ZNF316: variants seen among roughly 807,000 people sequenced by gnomAD.
ZNF316 encodes zinc finger protein 316.
Under a neutral mutation model 75.6 loss-of-function variants are expected in ZNF316, and 23 were observed. The observed-to-expected ratio is 0.30, with a 90% CI of 0.22 to 0.43. ZNF316 has a LOEUF of 0.43. ZNF316 is among the 20% of genes least tolerant of loss of function. The pLI is 1.00. For synonymous variants in ZNF316, 827 were observed against 666.2 expected, an observed-to-expected ratio of 1.24 and a Z score of -3.72; for missense variants, 1,266 against 1,409.4, an observed-to-expected ratio of 0.90 and a Z score of 1.63.
Position 6,642,649 on chromosome 7 carries a change from CGTG to C in ZNF316, c.242_244del (p.Val81del). The C allele has an allele frequency of 8.1e-7, 1 of 1,234,894 alleles. No individual in the cohort carries two copies. Among genetic ancestry groups the C allele is most frequent in the Non-Finnish European group, 1.0e-6 (1 of 990,080 alleles). 76.5% of individuals were successfully genotyped at this position (1,234,894 alleles called of 1,614,324 possible). On this transcript the variant is annotated inframe_deletion, in exon 5 of 9. Coordinates refer to ENST00000382252, the MANE Select transcript of ZNF316 (RefSeq NM_001278559.2). The surrounding 1 kb of genome is among the most constrained non-coding windows in gnomAD (Gnocchi z 8.1). ...TGGCCGAGGTGGAGGTGGAGGCGGA[CGTG>C]GAGGAGGAGGATGTGAAGGAGGTGC...
rs1400918630 is a variant in ZNF316 at position 6,656,766 on chromosome 7, A to C, written c.*2155A>C. Among the ~76,000 whole-genome samples the C allele has an allele frequency of 6.6e-6, 1 of 152,046 alleles. No homozygotes were observed. The highest frequency in any genetic ancestry group is 1.5e-5 in the Non-Finnish European group (1 of 68,000). On this transcript the variant is annotated 3_prime_UTR_variant, in exon 9 of 9. Coordinates refer to ENST00000382252, the MANE Select transcript of ZNF316 (RefSeq NM_001278559.2). Reference sequence around the variant, plus strand: ...AGGTACCCTTCGTGGTGGTCCAAACACATCCCCAGCCCTTTCTTCAGAGGC... The same window carrying C: ...AGGTACCCTTCGTGGTGGTCCAAACCCATCCCCAGCCCTTTCTTCAGAGGC...
At position 6,639,547 on chromosome 7, in the gene ZNF316, C is replaced by T. The variant is rs926421311; in HGVS notation, c.-167+406C>T. Among the ~76,000 whole-genome samples the T allele has an allele frequency of 2.0e-5, 3 of 152,200 alleles. No homozygotes were observed. The highest frequency in any genetic ancestry group is 4.8e-5 in the African/African-American group (2 of 41,458). ...CTGGGGATGGGGAATAACACACACA[C>T]GGCCTGAGATGAGATGAACATGCAG... On this transcript the variant is annotated intron_variant, in intron 3 of 8. Transcript: ENST00000382252. This position sits in a 1 kb window ranked among gnomAD's most constrained non-coding sequence, Gnocchi z 4.2.
Position 6,655,337 on chromosome 7 carries a change from A to T in ZNF316, c.*726A>T, listed in dbSNP as rs1276824126. On this transcript the variant is annotated 3_prime_UTR_variant, in exon 9 of 9. Transcript: ENST00000382252. ...GGGTCCTGAGGGAGTTTGAAGCCTT[A>T]TTCTCGAGCCGCCTCCTCTTCTCTA... 1 of 152,158 alleles carries T rather than the reference A, an allele frequency of 6.6e-6. No homozygotes were observed. The highest frequency in any genetic ancestry group is 1.9e-4 in the East Asian group (1 of 5,184). The allele number at this position is 152,158 out of a possible 1,614,324, so 9.4% of individuals were successfully genotyped here. A position where few individuals can be genotyped will look rare whatever the true frequency, so the allele number is the denominator to read the frequency against.
rs908736081 is a variant in ZNF316, at chr7:6,644,460, G to T, written c.593-20G>T. ...GGGCCCACGGGAGCCGCCTGCAGCC[G>T]CCGTCTGTTCTCCTGGCAGGATACC... is the stretch of plus-strand genomic sequence containing the variant. On this transcript the variant is annotated intron_variant, in intron 7 of 8. Coordinates refer to ENST00000382252, the MANE Select transcript of ZNF316 (RefSeq NM_001278559.2). 8.2e-7 allele frequency: 1 copy of T among 1,224,170 alleles called. No individual in the cohort carries two copies. 75.8% of individuals were successfully genotyped at this position (1,224,170 alleles called of 1,614,324 possible). A position where few individuals can be genotyped will look rare whatever the true frequency, so the allele number is the denominator to read the frequency against.
At position 6,653,111 on chromosome 7, in the gene ZNF316, C is replaced by T. The variant is rs1207246770; in HGVS notation, c.1515C>T (p.Arg505=). The change falls in exon 9 of 9, where the codon CGC becomes CGT. Residue 505 remains arginine, a synonymous_variant. Coordinates refer to ENST00000382252, the MANE Select transcript of ZNF316 (RefSeq NM_001278559.2). ...GCGCCGACTTCCAGCGCCACCGACG[C>T]GGCGGGGGCTGCGCGGAGGCGGGTG... ...RLRADFQRHR[R]GGGCAEAGGD... is the part of the protein sequence containing the mutation. 11 of 1,169,326 alleles carry T rather than the reference C, an allele frequency of 9.4e-6. No individual in the cohort carries two copies. In the East Asian group the frequency reaches 2.0e-4, roughly 21 times the overall value. 72.4% of individuals were successfully genotyped at this position (1,169,326 alleles called of 1,614,324 possible).
chr7:6,654,522 C>T lies in ZNF316; in HGVS notation c.2926C>T (p.Leu976=). Residue 976 remains leucine, a synonymous_variant, in exon 9 of 9, where the codon CTG becomes TTG. Coordinates refer to ENST00000382252, the MANE Select transcript of ZNF316 (RefSeq NM_001278559.2). ...CCCCGGTGAGCGCGGCAGCGCCCTG[C>T]TGGAGTTCGCGGGCGGCACAAGCTT... ...AGPGERGSAL[L]EFAGGTSFGS... 2.5e-6 allele frequency: 3 copies of T among 1,178,004 alleles called. No individual in the cohort carries two copies. Among genetic ancestry groups the T allele is most frequent in the Admixed American group, 9.2e-5 (2 of 21,830 alleles). The allele number at this position is 1,178,004 out of a possible 1,614,324, so 73.0% of individuals were successfully genotyped here.
intron 8 of ZNF316, among the ~76,000 whole-genome samples, chr7:6,645,276 G>C (rs1354674901): frequency 6.6e-6 from 1 of 152,210 alleles, no homozygotes; most frequent in African/African-American, 2.4e-5. Flanking sequence ...GGGGCTCCTA[G>C]CGTCAGAGAG....
rs1779561411 is a variant in ZNF316 at position 6,653,636 on chromosome 7, G to C, written c.2040G>C (p.Ala680=). 9.4e-7 allele frequency: 1 copy of C among 1,063,950 alleles called. No homozygotes were observed. Among genetic ancestry groups the C allele is most frequent in the Non-Finnish European group, 1.1e-6 (1 of 879,224 alleles). 65.9% of individuals were successfully genotyped at this position (1,063,950 alleles called of 1,614,324 possible). A position where few individuals can be genotyped will look rare whatever the true frequency, so the allele number is the denominator to read the frequency against. The change falls in exon 9 of 9, where the codon GCG becomes GCC. Residue 680 remains alanine (A), a synonymous_variant. Coordinates refer to ENST00000382252, the MANE Select transcript of ZNF316 (RefSeq NM_001278559.2). ...PAIGGLLAEP[A]PAALAEEESP... ...TCGGGGGTCTGCTGGCGGAGCCCGCGCCGGCCGCGCTGGCGGAGGAGGAGA... is the reference window on the plus strand; with the variant it reads ...TCGGGGGTCTGCTGGCGGAGCCCGCCCCGGCCGCGCTGGCGGAGGAGGAGA...
Position 6,653,660 on chromosome 7 carries a change from G to A in ZNF316, c.2064G>A (p.Glu688=), listed in dbSNP as rs1271021036. The change falls in exon 9 of 9, where the codon GAG becomes GAA. Residue 688 remains glutamate (E), a synonymous_variant. Transcript: ENST00000382252. ...CGCCGGCCGCGCTGGCGGAGGAGGA[G>A]AGCCCGTGGATCTGCTCGGACTGCG... The part of the protein sequence containing the change: ...EPAPAALAEE[E]SPWICSDCGK... 12 of 1,074,570 alleles carry A rather than the reference G, an allele frequency of 1.1e-5. No individual in the cohort carries two copies. Among genetic ancestry groups the A allele is most frequent in the Non-Finnish European group, 1.4e-5 (12 of 885,840 alleles). 66.6% of individuals were successfully genotyped at this position (1,074,570 alleles called of 1,614,324 possible).
rs970451896 is a variant in ZNF316, at chr7:6,654,352, A to C, written c.2756A>C (p.Asn919Thr). Residue 919 changes from asparagine (N) to threonine (T), a missense_variant, in exon 9 of 9, where the codon AAC becomes ACC. By Grantham distance (65) the Asn-to-Thr change is moderately conservative. Transcript: ENST00000382252. ...HTGERPYACA[N>T]CGRRFSQSSH... ...GGCGAGCGGCCCTACGCCTGCGCCA[A>C]CTGCGGCCGCCGCTTCTCGCAGAGC... 1 of 1,220,798 alleles carries C rather than the reference A, an allele frequency of 8.2e-7. No homozygotes were observed. Among genetic ancestry groups the C allele is most frequent in the African/African-American group, 1.6e-5 (1 of 63,842 alleles). 75.6% of individuals were successfully genotyped at this position (1,220,798 alleles called of 1,614,324 possible).
Position 6,654,033 on chromosome 7 carries a change from G to C in ZNF316, c.2437G>C (p.Gly813Arg). Residue 813 changes from glycine to arginine, a missense_variant, in exon 9 of 9, where the codon GGG becomes CGG. Physicochemically the swap from Gly to Arg is moderately radical, Grantham distance 125. Around this residue, in one of 3 missense-constraint regions of ZNF316, gnomAD observed 194 missense variants for 319.2 expected, o/e 0.61. Transcript: ENST00000382252. ...YACGECGRRF[G>R]QSAALTRHQW... ...GTGTGGAGAGTGCGGCCGGCGCTTC[G>C]GGCAGAGCGCGGCGCTGACGCGGCA... The C allele has an allele frequency of 1.7e-6, 2 of 1,196,988 alleles. No homozygotes were observed. Among genetic ancestry groups the C allele is most frequent in the Non-Finnish European group, 2.1e-6 (2 of 965,938 alleles). 74.1% of individuals were successfully genotyped at this position (1,196,988 alleles called of 1,614,324 possible).
chr7:6,653,192 C>T lies in ZNF316; in HGVS notation c.1596C>T (p.Asp532=), dbSNP rs902685667. 134 of 1,217,288 alleles carry T rather than the reference C, an allele frequency of 1.1e-4. No individual in the cohort carries two copies. The African/African-American group carries it at 2.0e-3, about 18-fold the overall frequency. 75.4% of individuals were successfully genotyped at this position (1,217,288 alleles called of 1,614,324 possible). Residue 532 remains aspartate, a synonymous_variant, in exon 9 of 9, where the codon GAC becomes GAT. Transcript: ENST00000382252. ...GETAAAAGPE[D]TDPGPEGSEV... ...CGGCGGCCGCCGCGGGGCCCGAGGACACGGACCCTGGGCCAGAGGGATCTG... is the reference window on the plus strand; with the variant it reads ...CGGCGGCCGCCGCGGGGCCCGAGGATACGGACCCTGGGCCAGAGGGATCTG...
At position 6,652,649 on chromosome 7, in the gene ZNF316, C is replaced by T; in HGVS notation, c.1053C>T (p.Gly351=). The part of the protein sequence containing the change: ...GRPETTCDVC[G]KVFPHRSRLA... Reference sequence around the variant, plus strand: ...CGGAGACCACGTGCGACGTGTGCGGCAAGGTCTTCCCGCACCGCTCGCGGC... The same window carrying T: ...CGGAGACCACGTGCGACGTGTGCGGTAAGGTCTTCCCGCACCGCTCGCGGC... The change falls in exon 9 of 9, where the codon GGC becomes GGT. Residue 351 remains glycine (G), a synonymous_variant. Transcript: ENST00000382252. 4.1e-6 allele frequency: 5 copies of T among 1,231,074 alleles called. No homozygotes were observed. Among genetic ancestry groups the T allele is most frequent in the Non-Finnish European group, 5.1e-6 (5 of 987,332 alleles). 76.3% of individuals were successfully genotyped at this position (1,231,074 alleles called of 1,614,324 possible).
In ZNF316 at chr7:6,653,039, C is replaced by T. The variant is rs1163105735; in HGVS notation, c.1443C>T (p.Ala481=). The change falls in exon 9 of 9, where the codon GCC becomes GCT. Residue 481 remains alanine, a synonymous_variant. Coordinates refer to ENST00000382252, the MANE Select transcript of ZNF316 (RefSeq NM_001278559.2). ...CACGGCACCAGGCGGTGCACACGGCCGACCGCCCGCACTGCTGTCCCGACT... is the reference window on the plus strand; with the variant it reads ...CACGGCACCAGGCGGTGCACACGGCTGACCGCCCGCACTGCTGTCCCGACT... ...ALARHQAVHT[A]DRPHCCPDCG... 9.0e-6 allele frequency: 11 copies of T among 1,219,670 alleles called. No homozygotes were observed. Among genetic ancestry groups the T allele is most frequent in the Non-Finnish European group, 9.2e-6 (9 of 980,390 alleles). The allele number at this position is 1,219,670 out of a possible 1,614,324, so 75.6% of individuals were successfully genotyped here. A position where few individuals can be genotyped will look rare whatever the true frequency, so the allele number is the denominator to read the frequency against.
In ZNF316 at chr7:6,655,168, A is replaced by C. The variant is rs1161447668; in HGVS notation, c.*557A>C. On this transcript the variant is annotated 3_prime_UTR_variant, in exon 9 of 9. Transcript: ENST00000382252. ...GCGAGGGGAGGCCTTGTAGGTTTCCAAAGGGCGGAGCTCCAGTGGGAAAAC... is the reference window on the plus strand; with the variant it reads ...GCGAGGGGAGGCCTTGTAGGTTTCCCAAGGGCGGAGCTCCAGTGGGAAAAC... 6.6e-6 allele frequency: 1 copy of C among 152,268 alleles called. No individual in the cohort carries two copies. Among genetic ancestry groups the C allele is most frequent in the Admixed American group, 6.5e-5 (1 of 15,286 alleles). The allele number at this position is 152,268 out of a possible 1,614,324, so 9.4% of individuals were successfully genotyped here.
chr7:6,644,966 G>T (rs1349041562), intron 8 of ZNF316, among the ~76,000 whole-genome samples: 1 of 152,148 alleles, frequency 6.6e-6, no homozygotes, highest in Non-Finnish European at 1.5e-5. Context: ...CTGCTTCTCC[G>T]CCCACTTGGC....
rs1479142739 is a variant in ZNF316 at position 6,654,254 on chromosome 7, C to T, written c.2658C>T (p.Pro886=). ...KHRRGHTGER[P]FPCPECGKRF... ...GGCGCGGCCACACGGGCGAACGCCC[C>T]TTCCCGTGCCCTGAGTGCGGCAAGC... The change falls in exon 9 of 9, where the codon CCC becomes CCT. Residue 886 remains proline (P), a synonymous_variant. Transcript: ENST00000382252. 1.1e-5 allele frequency: 13 copies of T among 1,223,254 alleles called. No homozygotes were observed. Among genetic ancestry groups the T allele is most frequent in the Non-Finnish European group, 3.1e-6 (3 of 981,976 alleles). 75.8% of individuals were successfully genotyped at this position (1,223,254 alleles called of 1,614,324 possible).
rs1434111909 is a variant in ZNF316 at position 6,657,399 on chromosome 7, C to T, written c.*2788C>T. Among the ~76,000 whole-genome samples, 11 of 150,736 alleles carry T rather than the reference C, an allele frequency of 7.3e-5. No homozygotes were observed. Among genetic ancestry groups the T allele is most frequent in the East Asian group, 3.9e-4 (2 of 5,144 alleles). On this transcript the variant is annotated 3_prime_UTR_variant, in exon 9 of 9. Coordinates refer to ENST00000382252, the MANE Select transcript of ZNF316 (RefSeq NM_001278559.2). ...ACTTGGGAGGCTGAGGTGGGAGGAT[C>T]GCCTGAGACCAGAAATTCAAGGCCA...
chr7:6,649,722 C>G (rs998786480), intron 8 of ZNF316, among the ~76,000 whole-genome samples: 1 of 152,210 alleles, frequency 6.6e-6, no homozygotes, highest in Non-Finnish European at 1.5e-5. Flanking sequence ...CCCTCCTGCA[C>G]TCGGTGTCAA....
Sources: allele counts gnomAD v4.1 joint callset (sites outside exome capture counted in the v4.1 genomes callset), GRCh38; gene constraint gnomAD v4.1.1; regional missense constraint gnomAD v4.1.1; non-coding constraint Gnocchi (gnomAD v3.1); transcripts MANE v1.5; gene names NCBI Gene and HGNC (gene_info 2026-07-23, HGNC 2026-07-21).